GRIN2B: variants seen among roughly 807,000 people sequenced by gnomAD.
The protein encoded by GRIN2B is glutamate ionotropic receptor NMDA type subunit 2B, also known as glutamate receptor ionotropic, NMDA 2B.
GRIN2B carries 5 observed loss-of-function variants against 114.5 expected under a neutral mutation model. The observed-to-expected ratio is 0.04, with a 90% confidence interval of 0.02 to 0.09. The LOEUF is 0.09. Ranked by LOEUF, GRIN2B falls within the 10% of genes least tolerant of loss-of-function variation. GRIN2B has a pLI of 1.00. For synonymous variants in GRIN2B, 787 were observed against 745.1 expected, an observed-to-expected ratio of 1.06 and a Z score of -0.92; for missense variants, 1,108 against 1,943.5, an observed-to-expected ratio of 0.57 and a Z score of 8.08.
At chr12:13,873,983 G>A (rs535955973) in intron 2 of GRIN2B, among the ~76,000 whole-genome samples, 66 of 152,266 alleles carry the variant, frequency 4.3e-4, no homozygotes, top group Non-Finnish European at 8.1e-4. Flanking sequence ...AAAGACATAG[G>A]CTTTGATTAT....
rs1591762971 is a variant in GRIN2B at position 13,843,178 on chromosome 12, T to A, written c.411+22620A>T. On this transcript the variant is annotated intron_variant, in intron 3 of 13. Transcript: ENST00000609686. ...CAACACTGGGCCCAGGAAAACCACCTCAAAAACACCATTTTGGCTTTTCTT... is the reference window on the plus strand; with the variant it reads ...CAACACTGGGCCCAGGAAAACCACCACAAAAACACCATTTTGGCTTTTCTT... Among the ~76,000 whole-genome samples the A allele has an allele frequency of 2.0e-5, 3 of 148,446 alleles. No homozygotes were observed. The South Asian group carries it at 6.4e-4, about 32-fold the overall frequency.
intron 2 of GRIN2B, among the ~76,000 whole-genome samples, chr12:13,969,870 A>G (rs561452201): frequency 2.0e-5 from 3 of 152,344 alleles, no homozygotes; most frequent in Admixed American, 2.0e-4. Flanking sequence ...GAAGGTAACC[A>G]TGATCCCATT....
At chr12:13,600,044 CTG>C (rs1377858713) in intron 10 of GRIN2B, among the ~76,000 whole-genome samples, 2 of 152,180 alleles carry the variant, frequency 1.3e-5, no homozygotes, top group African/African-American at 4.8e-5. Context: ...GGTGACAAAA[CTG>C]TGAATTCAGA....
intron 3 of GRIN2B, among the ~76,000 whole-genome samples, chr12:13,812,536 A>G (rs1233472909): frequency 6.6e-6 from 1 of 152,154 alleles, no homozygotes; most frequent in Non-Finnish European, 1.5e-5. Flanking sequence ...CCATGAGCAA[A>G]ATTCTGCTAC....
At chr12:13,730,932 A>G (rs1040823212) in intron 4 of GRIN2B, among the ~76,000 whole-genome samples, 5 of 152,244 alleles carry the variant, frequency 3.3e-5, no homozygotes, top group African/African-American at 1.2e-4. Flanking sequence ...TGGCTTTAAT[A>G]ACACGTGCAC....
intron 5 of GRIN2B, among the ~76,000 whole-genome samples, chr12:13,643,317 AT>A (rs1949737140): frequency 6.6e-6 from 1 of 152,190 alleles, no homozygotes; most frequent in South Asian, 2.1e-4. Flanking sequence ...TTCCAAGTGC[AT>A]ATAAAAGTTA....
intron 2 of GRIN2B, among the ~76,000 whole-genome samples, chr12:13,905,436 C>A (rs1866521644): frequency 6.6e-6 from 1 of 152,132 alleles, no homozygotes; most frequent in Admixed American, 6.6e-5. Context: ...TTCCTGGTTC[C>A]TGGAGATATT....
chr12:13,636,215 G>T (rs1363163318), intron 5 of GRIN2B, among the ~76,000 whole-genome samples: 1 of 152,184 alleles, frequency 6.6e-6, no homozygotes. Flanking sequence ...ATGTGGCTTT[G>T]CTTGGAGTGT....
At chr12:13,792,182 T>C (rs1864333847) in intron 3 of GRIN2B, among the ~76,000 whole-genome samples, 1 of 152,258 alleles carries the variant, frequency 6.6e-6, no homozygotes, top group African/African-American at 2.4e-5. Context: ...ATGCCCCAGC[T>C]TAAGCCAGTG....
intron 4 of GRIN2B, among the ~76,000 whole-genome samples, chr12:13,744,447 C>T (rs1304135053): frequency 2.0e-5 from 3 of 152,044 alleles, no homozygotes; most frequent in Non-Finnish European, 2.9e-5. Context: ...ATTCCACAGG[C>T]GGTCATTTAT....
chr12:13,665,972 T>A (rs1262106810), intron 5 of GRIN2B, among the ~76,000 whole-genome samples: 4 of 152,150 alleles, frequency 2.6e-5, no homozygotes, highest in Non-Finnish European at 5.9e-5. Flanking sequence ...ATGGGATGAA[T>A]GAAGAAAAAC....
At chr12:13,608,033 G>A (rs1002475605) in intron 10 of GRIN2B, among the ~76,000 whole-genome samples, 1 of 152,212 alleles carries the variant, frequency 6.6e-6, no homozygotes, top group East Asian at 1.9e-4. Context: ...GCCCGCAGAG[G>A]CCTGCAATTA....
At chr12:13,577,312 T>C (rs1207234484) in intron 10 of GRIN2B, among the ~76,000 whole-genome samples, 1 of 152,226 alleles carries the variant, frequency 6.6e-6, no homozygotes, top group African/African-American at 2.4e-5. Context: ...AGCTGTAATC[T>C]CATTTGATCC....
intron 12 of GRIN2B, 38 bp downstream of exon 12, chr12:13,569,792 T>C: frequency 7.4e-7 from 1 of 1,356,170 alleles, no homozygotes; most frequent in Non-Finnish European, 1.0e-6. Context: ...TGGCCATCAG[T>C]AGAGGACAAA....
At chr12:13,859,206 A>C (rs1865713016) in intron 3 of GRIN2B, among the ~76,000 whole-genome samples, 1 of 152,198 alleles carries the variant, frequency 6.6e-6, no homozygotes, top group South Asian at 2.1e-4. Context: ...GCTCAAGCCC[A>C]TTGACTCCAA....
intron 2 of GRIN2B, among the ~76,000 whole-genome samples, chr12:13,927,390 T>C (rs1372497229): frequency 6.6e-6 from 1 of 152,148 alleles, no homozygotes; most frequent in East Asian, 1.9e-4. Flanking sequence ...AAGTGACAGA[T>C]AGTAAATATT....
chr12:13,607,367 TTATATATTATATATATAA>T (rs1565473733), intron 10 of GRIN2B, among the ~76,000 whole-genome samples: 1 of 49,796 alleles, frequency 2.0e-5, no homozygotes, highest in African/African-American at 1.1e-4. Context: ...ATAATATATA[TTATATATTATATATATAA>T]TATATATTAT....
At chr12:13,566,543 T>G (rs1257156249) in intron 13 of GRIN2B, among the ~76,000 whole-genome samples, 3 of 152,226 alleles carry the variant, frequency 2.0e-5, no homozygotes, top group Middle Eastern at 3.2e-3. Flanking sequence ...TTCTAAAGGT[T>G]CTGTTAAGCT....
intron 5 of GRIN2B, among the ~76,000 whole-genome samples, chr12:13,670,815 G>T (rs949771090): frequency 6.6e-6 from 1 of 152,106 alleles, no homozygotes; most frequent in Non-Finnish European, 1.5e-5. Context: ...ATACCAGGGA[G>T]ATGTTCTTGG....
Sources: allele counts gnomAD v4.1 joint callset (sites outside exome capture counted in the v4.1 genomes callset), GRCh38; gene constraint gnomAD v4.1.1; transcripts MANE v1.5; gene names NCBI Gene and HGNC (gene_info 2026-07-23, HGNC 2026-07-21).